CCDC175: variants seen among roughly 807,000 people sequenced by gnomAD.
The protein encoded by CCDC175 is coiled-coil domain containing 175, also known as coiled-coil domain-containing protein 175.
Under a neutral mutation model 114.6 loss-of-function variants are expected in CCDC175, and 100 were observed. The ratio of observed to expected loss-of-function variants is 0.87; its 90% CI spans 0.74 to 1.03. The LOEUF is 1.03. Ranked by LOEUF, CCDC175 falls within the 50% of genes least tolerant of loss-of-function variation. The pLI, the probability that CCDC175 is intolerant of heterozygous loss-of-function variation, is 0.00. For missense variants in CCDC175, 880 were observed against 917.8 expected (o/e 0.96, Z 0.53); for synonymous variants, 306 against 308.7 (o/e 0.99, Z 0.09).
At chr14:59,521,921 A>G (rs1286312203) in intron 16 of CCDC175, among the ~76,000 whole-genome samples, 2 of 152,234 alleles carry the variant, frequency 1.3e-5, no homozygotes, top group Admixed American at 6.5e-5. Context: ...TTCTGAGTAT[A>G]ATTTTCCACC....
intron 19 of CCDC175, among the ~76,000 whole-genome samples, chr14:59,510,099 G>A (rs978474805): frequency 7.9e-5 from 12 of 152,214 alleles, no homozygotes; most frequent in Admixed American, 4.6e-4. Flanking sequence ...GCCCTAATCT[G>A]GAGAGTTCTG....
intron 7 of CCDC175, among the ~76,000 whole-genome samples, chr14:59,556,596 T>C (rs1043672725): frequency 3.3e-5 from 5 of 151,978 alleles, no homozygotes; most frequent in South Asian, 2.1e-4. Context: ...GCAACAAAAG[T>C]CAAAATTGAC....
chr14:59,508,399 TACACACACACAC>T (rs71451066), intron 19 of CCDC175, among the ~76,000 whole-genome samples: 22 of 97,374 alleles, frequency 2.3e-4, no homozygotes, highest in South Asian at 9.1e-4. Context: ...GTCTCCAAAA[TACACACACACAC>T]ACACACACAC....
chr14:59,521,604 C>T lies in CCDC175; in HGVS notation c.2068G>A (p.Asp690Asn), dbSNP rs981806129. The stretch of plus-strand genomic sequence containing the variant: ...TGAGCTATTAGTTGCCGAGACAAGT[C>T]GCTTGAGGTGTGCATGAGGGCTTCT... Reference protein sequence around the residue: ...GQEALMHTSSDLSRQLIAQEA... With the variant: ...GQEALMHTSSNLSRQLIAQEA... Residue 690 changes from aspartate (D) to asparagine (N), a missense_variant, in exon 17 of 20, where the codon GAC becomes AAC. By Grantham distance (23) the Asp-to-Asn change is conservative (BLOSUM62 1). Coordinates refer to ENST00000537690, the MANE Select transcript of CCDC175 (RefSeq NM_001164399.2). The T allele has an allele frequency of 3.9e-6, 6 of 1,535,248 alleles. No individual in the cohort carries two copies. Among genetic ancestry groups the T allele is most frequent in the African/African-American group, 1.4e-5 (1 of 72,934 alleles).
chr14:59,541,072 A>C (rs181422213), intron 10 of CCDC175, among the ~76,000 whole-genome samples: 4 of 152,288 alleles, frequency 2.6e-5, no homozygotes, highest in Admixed American at 2.6e-4. Context: ...AATCTTACCA[A>C]GGAAAGGGTG....
At chr14:59,537,473 C>G (rs1595023374) in intron 13 of CCDC175, among the ~76,000 whole-genome samples, 1 of 152,336 alleles carries the variant, frequency 6.6e-6, no homozygotes, top group East Asian at 1.9e-4. Flanking sequence ...CTTCTACCAC[C>G]ATCCCTGTTC....
chr14:59,509,087 T>G (rs533085755), intron 19 of CCDC175, among the ~76,000 whole-genome samples: 1 of 152,204 alleles, frequency 6.6e-6, no homozygotes, highest in South Asian at 2.1e-4. Context: ...AAAGGAAATA[T>G]GATATTAGTA....
chr14:59,527,888 C>A (rs1462087133), intron 14 of CCDC175, among the ~76,000 whole-genome samples: 1 of 152,010 alleles, frequency 6.6e-6, no homozygotes, highest in Non-Finnish European at 1.5e-5. Context: ...CTTTGGACTT[C>A]CTTTTGCATT....
chr14:59,512,143 C>T (rs756915850), intron 17 of CCDC175, among the ~76,000 whole-genome samples: 101 of 152,182 alleles, frequency 6.6e-4, no homozygotes, highest in Middle Eastern at 3.2e-3. Context: ...GTGGTCTTAA[C>T]ACAGACACAA....
Position 59,561,217 on chromosome 14 carries a change from A to C in CCDC175, c.855T>G (p.Asp285Glu). 6.5e-7 allele frequency: 1 copy of C among 1,527,690 alleles called. No individual in the cohort carries two copies. Among genetic ancestry groups the C allele is most frequent in the Non-Finnish European group, 8.8e-7 (1 of 1,138,890 alleles). The allele number at this position is 1,527,690 out of a possible 1,614,324, so 94.6% of individuals were successfully genotyped here. A position where few individuals can be genotyped will look rare whatever the true frequency, so the allele number is the denominator to read the frequency against. ...GTAGTCGTGCTATCTCTAAATTGTG[A>C]TCACTAAGAACCTATTAAAAATTAA... ...TVTVSAAVLS[D>E]HNLEIARLHE... The change falls in exon 7 of 20, where the codon GAT becomes GAG. Residue 285 changes from aspartate (D) to glutamate (E), a missense_variant. Transcript: ENST00000537690.
intron 14 of CCDC175, among the ~76,000 whole-genome samples, chr14:59,529,476 T>A (rs1180205952): frequency 1.3e-5 from 2 of 152,322 alleles, no homozygotes; most frequent in East Asian, 3.9e-4. Context: ...GCCCTGTGAC[T>A]CATCTCAGCT....
intron 13 of CCDC175, 116 bp downstream of exon 13, chr14:59,537,907 C>CAT: frequency 1.5e-6 from 1 of 665,120 alleles, no homozygotes; most frequent in South Asian, 3.0e-5. Flanking sequence ...ATTGTAGCCT[C>CAT]TTTCATACTA....
At chr14:59,568,897 C>A (rs1896703750) in intron 3 of CCDC175, among the ~76,000 whole-genome samples, 1 of 152,196 alleles carries the variant, frequency 6.6e-6, no homozygotes, top group Non-Finnish European at 1.5e-5. Context: ...ACATCATAAT[C>A]CACCCCATAT....
intron 3 of CCDC175, among the ~76,000 whole-genome samples, chr14:59,570,093 G>A (rs1896762586): frequency 6.6e-6 from 1 of 152,144 alleles, no homozygotes; most frequent in Non-Finnish European, 1.5e-5. Flanking sequence ...CCATGCTTCA[G>A]AACTCACTAC....
chr14:59,549,731 G>A (rs76387522), intron 8 of CCDC175, among the ~76,000 whole-genome samples: 225 of 64,482 alleles, frequency 3.5e-3, no homozygotes, highest in Middle Eastern at 8.3e-3. Context: ...AAAAAAAAAA[G>A]AAAAAGAAAA....
At chr14:59,518,500 G>T (rs1893237865) in intron 17 of CCDC175, among the ~76,000 whole-genome samples, 1 of 152,276 alleles carries the variant, frequency 6.6e-6, no homozygotes, top group African/African-American at 2.4e-5. Flanking sequence ...ATCAACAAGT[G>T]GGCGAAGGAT....
chr14:59,519,468 T>C (rs533970132), intron 17 of CCDC175, among the ~76,000 whole-genome samples: 2 of 152,210 alleles, frequency 1.3e-5, no homozygotes, highest in Middle Eastern at 3.4e-3. Context: ...ACAAAATCGA[T>C]AGATGGGCTT....
intron 14 of CCDC175, among the ~76,000 whole-genome samples, chr14:59,528,078 T>G (rs1029475515): frequency 3.3e-5 from 5 of 152,166 alleles, no homozygotes; most frequent in African/African-American, 1.2e-4. Context: ...TTTGAGATCT[T>G]GTATATCTCA....
At chr14:59,550,675 G>C (rs1481200271) in intron 8 of CCDC175, among the ~76,000 whole-genome samples, 1 of 152,130 alleles carries the variant, frequency 6.6e-6, no homozygotes, top group Non-Finnish European at 1.5e-5. Flanking sequence ...CAAAGCTGAA[G>C]AACCTGGAAT....
Sources: gnomAD v4.1 joint callset for allele counts (sites outside exome capture counted in the v4.1 genomes callset) on GRCh38, gnomAD v4.1.1 for gene constraint, MANE v1.5 for transcripts, NCBI Gene and HGNC (gene_info 2026-07-23, HGNC 2026-07-21) for gene names.